CASP5: variants seen among roughly 807,000 people sequenced by gnomAD.
CASP5 encodes caspase 5.
CASP5 carries 42 observed loss-of-function variants against 45.2 expected under a neutral mutation model. That is an observed-to-expected ratio of 0.93 (90% CI 0.73 to 1.20). The LOEUF (loss-of-function observed/expected upper bound fraction) is 1.20. CASP5 is among the 50% of genes most tolerant of loss of function. The pLI is 0.00. For synonymous variants in CASP5, 209 were observed against 186.2 expected (o/e 1.12, Z -1.00); for missense variants, 512 against 532.2 (o/e 0.96, Z 0.37).
intron 1 of CASP5, among the ~76,000 whole-genome samples, chr11:105,018,770 C>T (rs1414872118): frequency 1.1e-4 from 15 of 141,228 alleles, no homozygotes; most frequent in African/African-American, 3.6e-4. Flanking sequence ...AACAAGGATA[C>T]CCAGGAATTG....
intron 1 of CASP5, among the ~76,000 whole-genome samples, chr11:105,017,368 G>A (rs1444810254): frequency 1.3e-5 from 2 of 152,170 alleles, no homozygotes; most frequent in African/African-American, 2.4e-5. Context: ...CGAGCTACGG[G>A]AGGACATTCA....
chr11:104,994,592 T>C (rs970312694), intron 9 of CASP5, among the ~76,000 whole-genome samples: 1 of 152,204 alleles, frequency 6.6e-6, no homozygotes, highest in Non-Finnish European at 1.5e-5. Flanking sequence ...TCAGATAATA[T>C]TTTTTTAAAG....
At chr11:105,021,001 G>A (rs1302594567) in intron 1 of CASP5, among the ~76,000 whole-genome samples, 4 of 151,860 alleles carry the variant, frequency 2.6e-5, no homozygotes, top group African/African-American at 9.7e-5. Context: ...CAGAAATAAT[G>A]CCGCATATCT....
intron 8 of CASP5, among the ~76,000 whole-genome samples, chr11:104,996,496 T>C (rs1861476561): frequency 6.6e-6 from 1 of 152,206 alleles, no homozygotes; most frequent in African/African-American, 2.4e-5. Flanking sequence ...TATCTTCCTT[T>C]TCCCACAAGA....
chr11:105,003,362 C>T lies in CASP5; in HGVS notation c.455G>A (p.Gly152Glu), dbSNP rs368321495. Reference sequence around the variant, plus strand: ...TGTAGATTCTGCTGACTCAGGTGGTCCAGCCTCGATTTGCAGAAGAGCTGT... The same window carrying T: ...TGTAGATTCTGCTGACTCAGGTGGTTCAGCCTCGATTTGCAGAAGAGCTGT... ...SVKPLLQIEA[G>E]PPESAESTNI... is the part of the protein sequence containing the mutation. Residue 152 changes from glycine (G) to glutamate (E), a missense_variant, in exon 4 of 10, where the codon GGA (glycine) becomes GAA (glutamate). Transcript: ENST00000260315. 25 of 1,599,360 alleles carry T rather than the reference C, an allele frequency of 1.6e-5. No individual in the cohort carries two copies. Among genetic ancestry groups the T allele is most frequent in the African/African-American group, 1.1e-4 (8 of 73,818 alleles).
Position 105,007,314 on chromosome 11 carries a change from T to C in CASP5, c.202A>G (p.Thr68Ala), listed in dbSNP as rs144697764. 1 of 1,413,226 alleles carries C rather than the reference T, an allele frequency of 7.1e-7. No homozygotes were observed. The highest frequency in any genetic ancestry group is 9.6e-7 in the Non-Finnish European group (1 of 1,040,036). The allele number at this position is 1,413,226 out of a possible 1,614,324, so 87.5% of individuals were successfully genotyped here. A position where few individuals can be genotyped will look rare whatever the true frequency, so the allele number is the denominator to read the frequency against. Residue 68 changes from threonine to alanine, a missense_variant, in exon 3 of 10, where the codon ACA becomes GCA. Thr to Ala is a moderately conservative substitution (Grantham distance 58). Coordinates refer to ENST00000260315, the MANE Select transcript of CASP5 (RefSeq NM_004347.5). The stretch of plus-strand genomic sequence containing the variant: ...CCCAGGTATTCCAACATCTTAACTG[T>C]TTTTTTTTTGTGGTTGTCTTCTGTC... ...SVKKDNHKKK[T>A]VKMLEYLGKD...
rs750186613 is a variant in CASP5, at chr11:105,002,103, A to G, written c.642T>C (p.Tyr214=). Residue 214 remains tyrosine (Y), a synonymous_variant, in exon 5 of 10, where the codon TAT becomes TAC. Coordinates refer to ENST00000260315, the MANE Select transcript of CASP5 (RefSeq NM_004347.5). ...GCAGCCTTTTCATCCCCACGATGTC[A>G]TAGTGAGCCCCATTCCTTGCAGGCA... ...DHLPARNGAH[Y]DIVGMKRLLQ... 6.2e-7 allele frequency: 1 copy of G among 1,614,168 alleles called. No individual in the cohort carries two copies. Among genetic ancestry groups the G allele is most frequent in the East Asian group, 2.2e-5 (1 of 44,876 alleles).
intron 1 of CASP5, among the ~76,000 whole-genome samples, chr11:105,022,619 A>G (rs1303745376): frequency 1.3e-5 from 2 of 152,154 alleles, no homozygotes; most frequent in East Asian, 1.9e-4. Context: ...GATATATTAC[A>G]TTATAAGAGT....
chr11:105,022,275 C>T (rs1863008606), intron 1 of CASP5, among the ~76,000 whole-genome samples: 2 of 151,172 alleles, frequency 1.3e-5, no homozygotes, highest in African/African-American at 2.4e-5. Context: ...CTAACCTGCA[C>T]ATTGTGCACA....
chr11:105,000,477 T>C lies in CASP5; in HGVS notation c.736A>G (p.Arg246Gly). 1 of 1,614,134 alleles carries C rather than the reference T, an allele frequency of 6.2e-7. No homozygotes were observed. Among genetic ancestry groups the C allele is most frequent in the Non-Finnish European group, 8.5e-7 (1 of 1,180,004 alleles). Reference protein sequence around the residue: ...LTARDMESVLRAFAARPEHKS... With the variant: ...LTARDMESVLGAFAARPEHKS... ...TGCTCTGGTCTGGCAGCAAATGCCC[T>C]CAGCACTGACTCCATATCCTATAAA... Residue 246 changes from arginine to glycine, a missense_variant, in exon 6 of 10, where the codon AGG (arginine) becomes GGG (glycine). Physicochemically the swap from Arg to Gly is moderately radical, Grantham distance 125. Transcript: ENST00000260315.
At chr11:105,017,888 G>A (rs1457466236) in intron 1 of CASP5, among the ~76,000 whole-genome samples, 5 of 151,750 alleles carry the variant, frequency 3.3e-5, no homozygotes, top group South Asian at 2.1e-4. Flanking sequence ...AGGAAAAAAT[G>A]TTAAGGGCAG....
intron 3 of CASP5, 109 bp from the exon 4 acceptor site, chr11:105,003,492 T>C (rs1374970902): frequency 1.6e-6 from 1 of 637,464 alleles, no homozygotes; most frequent in Admixed American, 2.9e-5. Flanking sequence ...AAAGACTCTT[T>C]ATATTTAGGG....
intron 9 of CASP5, 25 bp downstream of exon 9, chr11:104,995,715 C>T (rs1212494262): frequency 6.9e-7 from 1 of 1,443,844 alleles, no homozygotes; most frequent in South Asian, 1.2e-5. Flanking sequence ...ATTTATTTCA[C>T]CCTCCAACAA....
intron 1 of CASP5, among the ~76,000 whole-genome samples, chr11:105,009,720 C>CACACACACACAT (rs1376205553): frequency 1.6e-5 from 1 of 64,084 alleles, no homozygotes; most frequent in Non-Finnish European, 3.2e-5. Flanking sequence ...TATATACACA[C>CACACACACACAT]ATATATATAT....
intron 6 of CASP5, among the ~76,000 whole-genome samples, chr11:104,999,720 G>T (rs1013099820): frequency 6.6e-6 from 1 of 152,100 alleles, no homozygotes; most frequent in African/African-American, 2.4e-5. Flanking sequence ...CTTTCTTAAA[G>T]AAACAAAACA....
chr11:105,008,806 C>T lies in CASP5; in HGVS notation c.181+1G>A. 1 of 1,600,152 alleles carries T rather than the reference C, an allele frequency of 6.2e-7. No homozygotes were observed. Among genetic ancestry groups the T allele is most frequent in the Non-Finnish European group, 8.5e-7 (1 of 1,170,332 alleles). On this transcript the variant is annotated splice_donor_variant, in intron 2 of 9. Coordinates refer to ENST00000260315, the MANE Select transcript of CASP5 (RefSeq NM_004347.5). LOFTEE classifies it high-confidence loss of function. Reference sequence around the variant, plus strand: ...ATCCATTGTAAAATATCCAGTCTTACTTTTTACACTGGTCGACTTTTGATC... The same window carrying T: ...ATCCATTGTAAAATATCCAGTCTTATTTTTTACACTGGTCGACTTTTGATC...
intron 1 of CASP5, among the ~76,000 whole-genome samples, chr11:105,012,990 A>T (rs909573300): frequency 3.9e-5 from 6 of 152,082 alleles, no homozygotes; most frequent in African/African-American, 9.6e-5. Context: ...TGATTGCAGC[A>T]TTATTCACAA....
intron 1 of CASP5, among the ~76,000 whole-genome samples, chr11:105,021,920 A>C (rs1238814653): frequency 6.7e-6 from 1 of 149,718 alleles, no homozygotes; most frequent in Admixed American, 6.7e-5. Context: ...CAAATGTCCA[A>C]CAATGATAGA....
intron 6 of CASP5, among the ~76,000 whole-genome samples, chr11:104,999,829 A>G (rs564024902): frequency 6.6e-6 from 1 of 152,332 alleles, no homozygotes; most frequent in Admixed American, 6.5e-5. Context: ...CTTAACTCCC[A>G]ACTCATTTTC....
Sources: gnomAD v4.1 joint callset for allele counts (sites outside exome capture counted in the v4.1 genomes callset) on GRCh38, gnomAD v4.1.1 for gene constraint, MANE v1.5 for transcripts, NCBI Gene and HGNC (gene_info 2026-07-23, HGNC 2026-07-21) for gene names.